KAZN: variants seen among roughly 807,000 people sequenced by gnomAD.
The protein encoded by KAZN is kazrin.
In KAZN, 40 loss-of-function variants were observed where a neutral mutation model predicts 87.4. The ratio of observed to expected loss-of-function variants is 0.46; its 90% CI spans 0.36 to 0.60. KAZN has a LOEUF of 0.60. Among genes scored for constraint, KAZN ranks in the 20% least tolerant of loss-of-function variants. KAZN has a pLI of 0.00. For missense variants in KAZN, 898 were observed against 1,073.9 expected, an observed-to-expected ratio of 0.84 and a Z score of 2.29; for synonymous variants, 466 against 458.3, an observed-to-expected ratio of 1.02 and a Z score of -0.22.
At chr1:14,332,656 A>G (rs1656934856) in intron 2 of KAZN, among the ~76,000 whole-genome samples, 1 of 152,152 alleles carries the variant, frequency 6.6e-6, no homozygotes, top group Non-Finnish European at 1.5e-5. Flanking sequence ...AACAATCAGC[A>G]TGAATATGAG....
intron 2 of KAZN, among the ~76,000 whole-genome samples, chr1:15,007,580 G>A (rs570096420): frequency 6.6e-6 from 1 of 152,350 alleles, no homozygotes; most frequent in Admixed American, 6.5e-5. Context: ...GCCGAGCTCT[G>A]GTGGGACGCA....
intron 2 of KAZN, among the ~76,000 whole-genome samples, chr1:14,556,602 G>GT (rs1436750262): frequency 3.3e-5 from 5 of 151,522 alleles, no homozygotes; most frequent in East Asian, 1.9e-4. Flanking sequence ...TCTCCAGGAT[G>GT]TTTTTTTTCA....
At chr1:15,104,720 T>C (rs1641236285) in intron 13 of KAZN, among the ~76,000 whole-genome samples, 1 of 152,200 alleles carries the variant, frequency 6.6e-6, no homozygotes, top group Admixed American at 6.5e-5. Flanking sequence ...CCAGTCCCCC[T>C]CCCAGTGGAT....
intron 1 of KAZN, among the ~76,000 whole-genome samples, chr1:14,085,311 T>C (rs72861288): frequency 0.036 from 5,503 of 152,258 alleles, 346 homozygotes; most frequent in African/African-American, 0.12. Flanking sequence ...TCAATTTCAG[T>C]GTACATTTCA....
chr1:14,808,684 T>C (rs912093637), intron 1 of KAZN, among the ~76,000 whole-genome samples: 2 of 152,170 alleles, frequency 1.3e-5, no homozygotes, highest in African/African-American at 4.8e-5. Context: ...ATCTGAGATG[T>C]ATTATTACAA....
intron 1 of KAZN, among the ~76,000 whole-genome samples, chr1:14,616,267 C>G (rs2148630579): frequency 6.6e-6 from 1 of 152,246 alleles, no homozygotes; most frequent in African/African-American, 2.4e-5. Flanking sequence ...ACCCTGACCC[C>G]CAAGCTTCCT....
intron 1 of KAZN, among the ~76,000 whole-genome samples, chr1:13,977,000 A>G (rs1443874885): frequency 6.6e-6 from 1 of 152,180 alleles, no homozygotes; most frequent in South Asian, 2.1e-4. Context: ...GAGACAATTC[A>G]TCCAAGGTTG....
intron 1 of KAZN, among the ~76,000 whole-genome samples, chr1:14,663,782 A>G (rs186805853): frequency 6.6e-6 from 1 of 152,336 alleles, no homozygotes; most frequent in East Asian, 1.9e-4. Flanking sequence ...TTTTGAAAAT[A>G]AAATTACCTT....
rs1453754192 is a variant in KAZN at position 15,101,644 on chromosome 1, T to C, written c.1649T>C (p.Val550Ala). ...TCCCAGGCCTTTCAGAACCACCTGGTTGATGGGCGGATGCTGAATTCCCTG... is the reference window on the plus strand; with the variant it reads ...TCCCAGGCCTTTCAGAACCACCTGGCTGATGGGCGGATGCTGAATTCCCTG... Reference protein sequence around the residue: ...QYSQAFQNHLVDGRMLNSLMK... With the variant: ...QYSQAFQNHLADGRMLNSLMK... The change falls in exon 11 of 15, where the codon GTT becomes GCT. Residue 550 changes from valine (V) to alanine (A), a missense_variant. Transcript: ENST00000376030. 1 of 1,573,364 alleles carries C rather than the reference T, an allele frequency of 6.4e-7. No individual in the cohort carries two copies. The highest frequency in any genetic ancestry group is 1.2e-5 in the South Asian group (1 of 85,298).
chr1:14,701,148 G>T (rs553922939), intron 1 of KAZN, among the ~76,000 whole-genome samples: 2 of 152,088 alleles, frequency 1.3e-5, no homozygotes, highest in Non-Finnish European at 2.9e-5. Flanking sequence ...ACAGGAAGTC[G>T]CTCTGTCACC....
At chr1:14,198,475 C>T (rs1432171450) in intron 2 of KAZN, among the ~76,000 whole-genome samples, 1 of 152,152 alleles carries the variant, frequency 6.6e-6, no homozygotes, top group African/African-American at 2.4e-5. Flanking sequence ...TGGCGCATGC[C>T]TGTAATCTCA....
Position 14,598,887 on chromosome 1 carries a change from G to T in KAZN, c.-111G>T. On this transcript the variant is annotated 5_prime_UTR_variant, in exon 1 of 15. Transcript: ENST00000376030. The surrounding 1 kb of genome is among the most constrained non-coding windows in gnomAD (Gnocchi z 4.2). Reference sequence around the variant, plus strand: ...GCCTGGGGGTCGGGGCGCGGGCGAAGCCGGGCCGCGGAGGACACAACAGGT... The same window carrying T: ...GCCTGGGGGTCGGGGCGCGGGCGAATCCGGGCCGCGGAGGACACAACAGGT... The T allele has an allele frequency of 6.8e-7, 1 of 1,481,480 alleles. No homozygotes were observed. 91.8% of individuals were successfully genotyped at this position (1,481,480 alleles called of 1,614,324 possible).
intron 1 of KAZN, among the ~76,000 whole-genome samples, chr1:14,866,832 C>T (rs1651512749): frequency 6.6e-6 from 1 of 152,216 alleles, no homozygotes; most frequent in Non-Finnish European, 1.5e-5. Flanking sequence ...GGCCTCACTC[C>T]ATGAGCATCC....
chr1:14,634,877 A>G (rs1293759722), intron 1 of KAZN, among the ~76,000 whole-genome samples: 1 of 152,096 alleles, frequency 6.6e-6, no homozygotes, highest in African/African-American at 2.4e-5. Context: ...TAGTTATTAT[A>G]TGCACGTAAA....
intron 2 of KAZN, among the ~76,000 whole-genome samples, chr1:14,208,420 G>A (rs1406290195): frequency 1.3e-5 from 2 of 152,082 alleles, no homozygotes; most frequent in African/African-American, 2.4e-5. Flanking sequence ...TCATTCACTC[G>A]TTGACTCGTT....
At chr1:13,972,859 C>A (rs1028097168) in intron 1 of KAZN, among the ~76,000 whole-genome samples, 2 of 152,196 alleles carry the variant, frequency 1.3e-5, no homozygotes, top group African/African-American at 4.8e-5. Flanking sequence ...AGGACTCCCA[C>A]CAGTTATTCT....
At position 14,771,750 on chromosome 1, in the gene KAZN, C is replaced by T. The variant is rs529096567; in HGVS notation, c.226+172527C>T. Among the ~76,000 whole-genome samples the T allele has an allele frequency of 1.3e-4, 20 of 152,220 alleles. No homozygotes were observed. In the East Asian group the frequency reaches 3.3e-3, roughly 25 times the overall value. ...CTGAGGCAGGAGAATTGCTTGAACC[C>T]GGGAGGCGGAGGTTGCAGTGAGCCA... On this transcript the variant is annotated intron_variant, in intron 1 of 14. Transcript: ENST00000376030.
rs573232437 is a variant in KAZN at position 14,022,888 on chromosome 1, T to A, written c.91+129132T>A. 4.6e-5 allele frequency among the ~76,000 whole-genome samples: 7 copies of A among 152,334 alleles called. No individual in the cohort carries two copies. The East Asian group carries it at 1.3e-3, about 29-fold the overall frequency. On this transcript the variant is annotated intron_variant, in intron 1 of 16. Transcript: ENST00000636203. The stretch of plus-strand genomic sequence containing the variant: ...CTGGCCTGGGTTTAAACCCCATTTC[T>A]ACCATGAAGTGTCTCCATGACTTTT...
intron 1 of KAZN, among the ~76,000 whole-genome samples, chr1:14,129,395 T>A (rs563876707): frequency 1.3e-4 from 20 of 152,226 alleles, no homozygotes; most frequent in Non-Finnish European, 2.8e-4. Flanking sequence ...CTTTTTCTTA[T>A]CCATCAGCCA....
Sources: allele counts gnomAD v4.1 joint callset (sites outside exome capture counted in the v4.1 genomes callset), GRCh38; gene constraint gnomAD v4.1.1; non-coding constraint Gnocchi (gnomAD v3.1); transcripts MANE v1.5; gene names NCBI Gene and HGNC (gene_info 2026-07-23, HGNC 2026-07-21).